Variants in KIF5C observed in about 807,000 individuals in gnomAD.
KIF5C encodes kinesin family member 5C.
KIF5C carries 18 observed loss-of-function variants against 125.2 expected under a neutral mutation model. The observed-to-expected ratio is 0.14, with a 90% CI of 0.10 to 0.21. The LOEUF (loss-of-function observed/expected upper bound fraction) is 0.21, where lower values mean the gene tolerates loss of function less well. Ranked by LOEUF, KIF5C falls within the 10% of genes least tolerant of loss-of-function variation. The pLI, the probability that KIF5C is intolerant of heterozygous loss-of-function variation, is 1.00. For synonymous variants in KIF5C, 405 were observed against 434.0 expected (o/e 0.93, Z 0.83); for missense variants, 780 against 1,183.8 (o/e 0.66, Z 5.01).
At chr2:148,891,340 T>C (rs1452830084) in intron 1 of KIF5C, among the ~76,000 whole-genome samples, 1 of 152,202 alleles carries the variant, frequency 6.6e-6, no homozygotes, top group Non-Finnish European at 1.5e-5. Flanking sequence ...GAGGACCATA[T>C]TTAGAGAAAA....
chr2:148,994,484 C>A lies in KIF5C; in HGVS notation c.1969C>A (p.Leu657Ile). ...GAACATGGAACAGAAGAGGAGGCAG[C>A]TAGAAGAGTCCCAGGACTCGCTCAG... ...MQNMEQKRRQ[L>I]EESQDSLSEE... The change falls in exon 17 of 26, where the codon CTA (leucine) becomes ATA (isoleucine). Residue 657 changes from leucine to isoleucine, a missense_variant. Leu to Ile is a conservative substitution (Grantham distance 5). Around this residue, in one of 2 missense-constraint regions of KIF5C, gnomAD observed 573 missense variants for 742.6 expected, o/e 0.77. Coordinates refer to ENST00000435030, the MANE Select transcript of KIF5C (RefSeq NM_004522.3). 6.3e-7 allele frequency: 1 copy of A among 1,576,396 alleles called. No homozygotes were observed. Among genetic ancestry groups the A allele is most frequent in the Non-Finnish European group, 8.6e-7 (1 of 1,161,076 alleles).
intron 4 of KIF5C, among the ~76,000 whole-genome samples, chr2:148,940,085 T>C (rs944619408): frequency 6.6e-6 from 1 of 152,220 alleles, no homozygotes; most frequent in Non-Finnish European, 1.5e-5. Context: ...TAAGGCCATA[T>C]GTTTAAGATC....
chr2:148,929,509 G>A (rs956991868), intron 3 of KIF5C, among the ~76,000 whole-genome samples, 155 bp downstream of exon 3: 8 of 152,136 alleles, frequency 5.3e-5, no homozygotes, highest in Non-Finnish European at 1.2e-4. Context: ...TTTTAAAATA[G>A]CAGCAAAAAA....
intron 3 of KIF5C, among the ~76,000 whole-genome samples, chr2:148,929,574 A>G (rs1264137012): frequency 1.3e-5 from 2 of 152,266 alleles, no homozygotes; most frequent in African/African-American, 4.8e-5. Context: ...ACTTTGTGAC[A>G]GTAACAATAC....
At chr2:149,013,569 ACT>A (rs1455155101) in intron 25 of KIF5C, among the ~76,000 whole-genome samples, 6 of 152,220 alleles carry the variant, frequency 3.9e-5, no homozygotes, top group African/African-American at 1.4e-4. Flanking sequence ...CAGCTGGCAT[ACT>A]GTGCATTATG....
intron 11 of KIF5C, among the ~76,000 whole-genome samples, chr2:148,967,421 T>G (rs917394475): frequency 2.0e-5 from 3 of 152,148 alleles, no homozygotes; most frequent in Non-Finnish European, 2.9e-5. Flanking sequence ...AATTAATGCT[T>G]TTTCCCTTCT....
chr2:149,016,259 G>A (rs1682353317), intron 25 of KIF5C, among the ~76,000 whole-genome samples: 1 of 152,142 alleles, frequency 6.6e-6, no homozygotes, highest in African/African-American at 2.4e-5. Flanking sequence ...GGGGCCACTG[G>A]GGCTGTGGGC....
chr2:148,974,502 G>A (rs1681008436), intron 12 of KIF5C, among the ~76,000 whole-genome samples: 1 of 152,140 alleles, frequency 6.6e-6, no homozygotes, highest in Non-Finnish European at 1.5e-5. Context: ...CCAAGAGCTT[G>A]CACTATAACC....
At chr2:148,904,357 T>C (rs1178556319) in intron 1 of KIF5C, among the ~76,000 whole-genome samples, 4 of 152,216 alleles carry the variant, frequency 2.6e-5, no homozygotes, top group Admixed American at 1.3e-4. Flanking sequence ...CTTGGCAAGT[T>C]CCTTAACTTC....
Position 148,994,531 on chromosome 2 carries a change from A to C in KIF5C, c.2016A>C (p.Arg672=), listed in dbSNP as rs1243879712. 2.6e-6 allele frequency: 4 copies of C among 1,559,452 alleles called. No individual in the cohort carries two copies. The African/African-American group carries it at 5.4e-5, about 21-fold the overall frequency. Residue 672 remains arginine (R), a synonymous_variant, in exon 17 of 26, where the codon CGA becomes CGC. Transcript: ENST00000435030. ...DSLSEELAKL[R]AQEKMHEVSF... The stretch of plus-strand genomic sequence containing the variant: ...TCAGCGAAGAGCTGGCAAAGCTCCG[A>C]GCCCAGGGTAAATATTTGACTAACG...
At chr2:148,897,403 A>G (rs1307925384) in intron 1 of KIF5C, among the ~76,000 whole-genome samples, 3 of 152,134 alleles carry the variant, frequency 2.0e-5, no homozygotes, top group Non-Finnish European at 4.4e-5. Context: ...TCCCTAGCTC[A>G]TTTGAAGGGC....
intron 8 of KIF5C, chr2:148,947,907 A>G (rs746143072): frequency 3.1e-5 from 14 of 456,526 alleles, no homozygotes; most frequent in Non-Finnish European, 4.8e-5. Flanking sequence ...ATCCCCACTT[A>G]TTGCACTACA....
At position 148,969,162 on chromosome 2, in the gene KIF5C, G is replaced by T. The variant is rs191479846; in HGVS notation, c.1118-4174G>T. On this transcript the variant is annotated intron_variant, in intron 11 of 25. Coordinates refer to ENST00000435030, the MANE Select transcript of KIF5C (RefSeq NM_004522.3). ...AAAAAAAACCCAAAAACCTATTTTA[G>T]AAATTTTAATAGCCCTAATGAGAAT... Among the ~76,000 whole-genome samples, 34 of 152,154 alleles carry T rather than the reference G, an allele frequency of 2.2e-4. No individual in the cohort carries two copies. In the East Asian group the frequency reaches 6.4e-3, roughly 28 times the overall value.
intron 14 of KIF5C, 92 bp downstream of exon 14, chr2:148,981,653 C>T: frequency 1.4e-6 from 2 of 1,460,248 alleles, no homozygotes; most frequent in Non-Finnish European, 1.8e-6. Context: ...TATAAGGAGG[C>T]AGTGGCTGAA....
intron 3 of KIF5C, among the ~76,000 whole-genome samples, chr2:148,930,077 G>T (rs1331251521): frequency 6.6e-6 from 1 of 152,174 alleles, no homozygotes; most frequent in East Asian, 1.9e-4. Context: ...TGTGGTACTG[G>T]CTCTGGCCAC....
chr2:148,998,263 A>G, intron 18 of KIF5C, 137 bp from the exon 19 acceptor site: 1 of 1,391,952 alleles, frequency 7.2e-7, no homozygotes, highest in Non-Finnish European at 9.7e-7. Context: ...GGGGCAAAAC[A>G]GCCAGAAATG....
In KIF5C at chr2:149,010,259, G is replaced by C; in HGVS notation, c.2675G>C (p.Arg892Pro). ...AAGGAGGCCAAGGAGAACGCCATGC[G>C]GGACCGTAAGCGCTACCAGCAGGAG... Reference protein sequence around the residue: ...ALKEAKENAMRDRKRYQQEVD... With the variant: ...ALKEAKENAMPDRKRYQQEVD... The change falls in exon 24 of 26, where the codon CGG becomes CCG. Residue 892 changes from arginine (R) to proline (P), a missense_variant. Around this residue, in one of 2 missense-constraint regions of KIF5C, gnomAD observed 573 missense variants for 742.6 expected, o/e 0.77. Transcript: ENST00000435030. 1 of 1,592,128 alleles carries C rather than the reference G, an allele frequency of 6.3e-7. No individual in the cohort carries two copies. Among genetic ancestry groups the C allele is most frequent in the Non-Finnish European group, 8.5e-7 (1 of 1,169,780 alleles).
chr2:149,022,646 G>A (rs1363382117), intron 25 of KIF5C, among the ~76,000 whole-genome samples: 2 of 151,734 alleles, frequency 1.3e-5, no homozygotes, highest in African/African-American at 2.4e-5. Flanking sequence ...TGGCTTGGCC[G>A]GGCACGGTGG....
intron 12 of KIF5C, among the ~76,000 whole-genome samples, chr2:148,974,002 G>C (rs1398853149): frequency 1.3e-5 from 2 of 152,160 alleles, no homozygotes; most frequent in African/African-American, 4.8e-5. Context: ...TCACCTAATT[G>C]GTGAAGCTCT....
Sources: gnomAD v4.1 joint callset for allele counts (sites outside exome capture counted in the v4.1 genomes callset) on GRCh38, gnomAD v4.1.1 for gene constraint, gnomAD v4.1.1 regional missense constraint, MANE v1.5 for transcripts, NCBI Gene and HGNC (gene_info 2026-07-23, HGNC 2026-07-21) for gene names.